The following GRID2 variants were observed in gnomAD, a reference collection of about 807,000 sequenced individuals.
The protein encoded by GRID2 is glutamate receptor ionotropic, delta-2.
Under a neutral mutation model 114.8 loss-of-function variants are expected in GRID2, and 33 were observed. The ratio of observed to expected loss-of-function variants is 0.29; its 90% CI spans 0.22 to 0.38. The LOEUF is 0.38. GRID2 is among the 10% of genes least tolerant of loss of function. The pLI is 1.00. For synonymous variants in GRID2, 505 were observed against 449.9 expected (o/e 1.12, Z -1.55); for missense variants, 1,184 against 1,257.7 (o/e 0.94, Z 0.89).
chr4:92,489,352 G>C (rs576372731), intron 1 of GRID2, among the ~76,000 whole-genome samples: 1 of 152,130 alleles, frequency 6.6e-6, no homozygotes, highest in Non-Finnish European at 1.5e-5. Context: ...TATATAATTA[G>C]ATACATCAAA....
chr4:93,428,148 G>C (rs1769032764), intron 10 of GRID2, among the ~76,000 whole-genome samples: 1 of 151,920 alleles, frequency 6.6e-6, no homozygotes, highest in South Asian at 2.1e-4. Flanking sequence ...AGTATTTAGG[G>C]GTATTAGAAG....
chr4:93,482,360 A>G (rs1725954569), intron 11 of GRID2, among the ~76,000 whole-genome samples: 1 of 152,132 alleles, frequency 6.6e-6, no homozygotes, highest in African/African-American at 2.4e-5. Context: ...GCAGCCTTAG[A>G]AAAGAATGAG....
chr4:93,797,497 T>C (rs1734826782), intron 1 of GRID2, among the ~76,000 whole-genome samples: 1 of 152,156 alleles, frequency 6.6e-6, no homozygotes, highest in Non-Finnish European at 1.5e-5. Flanking sequence ...GGAAGGTGCC[T>C]GCAAATTTAC....
chr4:93,313,445 T>C (rs1402665516), intron 8 of GRID2, among the ~76,000 whole-genome samples: 1 of 152,156 alleles, frequency 6.6e-6, no homozygotes, highest in Non-Finnish European at 1.5e-5. Context: ...TTTCTATACA[T>C]CCACAAGGAT....
At chr4:93,137,920 A>G (rs1735407582) in intron 4 of GRID2, among the ~76,000 whole-genome samples, 1 of 139,476 alleles carries the variant, frequency 7.2e-6, no homozygotes, top group African/African-American at 2.6e-5. Context: ...CATGAAGTTG[A>G]GCTTTTTGAT....
chr4:92,812,703 G>A (rs1158457919), intron 2 of GRID2, among the ~76,000 whole-genome samples: 1 of 152,080 alleles, frequency 6.6e-6, no homozygotes, highest in Non-Finnish European at 1.5e-5. Context: ...GATTTATGCT[G>A]TACAGGTATA....
At chr4:93,517,217 G>A (rs1729818447) in intron 13 of GRID2, among the ~76,000 whole-genome samples, 1 of 145,154 alleles carries the variant, frequency 6.9e-6, no homozygotes, top group Admixed American at 7.0e-5. Context: ...AAGATTACCT[G>A]AGACAATTTA....
At chr4:93,515,473 C>A in intron 13 of GRID2, 62 bp downstream of exon 13, 2 of 1,114,086 alleles carry the variant, frequency 1.8e-6, no homozygotes, top group Non-Finnish European at 1.3e-6. Context: ...TGGAATTGCG[C>A]AGTTGAGATT....
intron 1 of GRID2, among the ~76,000 whole-genome samples, chr4:92,552,158 C>G (rs1726624668): frequency 6.6e-6 from 1 of 151,322 alleles, no homozygotes. Context: ...TGAGGAAAAA[C>G]TAAGTTTCTG....
At chr4:93,626,227 C>A (rs766241157) in intron 13 of GRID2, 42 bp from the exon 14 acceptor site, 15 of 1,173,890 alleles carry the variant, frequency 1.3e-5, no homozygotes, top group African/African-American at 4.6e-5. Flanking sequence ...AAAATTCCAA[C>A]TTTAAACCCT....
intron 8 of GRID2, among the ~76,000 whole-genome samples, chr4:93,290,657 G>A (rs1753636634): frequency 6.6e-6 from 1 of 151,762 alleles, no homozygotes; most frequent in Non-Finnish European, 1.5e-5. Flanking sequence ...GTTTTTATCT[G>A]GTAGTATTTG....
intron 8 of GRID2, among the ~76,000 whole-genome samples, chr4:93,275,698 T>C (rs1561074496): frequency 6.6e-6 from 1 of 151,936 alleles, no homozygotes; most frequent in East Asian, 1.9e-4. Flanking sequence ...ATTATGTTTT[T>C]GATTTGCATA....
rs560828664 is a variant in GRID2, at chr4:93,328,029, C to G, written c.1246-67578C>G. Among the ~76,000 whole-genome samples the G allele has an allele frequency of 8.9e-4, 136 of 151,976 alleles. 1 individual carries two copies. Among genetic ancestry groups the G allele is most frequent in the African/African-American group, 3.2e-3 (133 of 41,478 alleles). Reference sequence around the variant, plus strand: ...TCTACTGTCCTCCTTTAAAACGTGTCCTGGCCGGGCGCAGTGGCTCACACC... The same window carrying G: ...TCTACTGTCCTCCTTTAAAACGTGTGCTGGCCGGGCGCAGTGGCTCACACC... On this transcript the variant is annotated intron_variant, in intron 8 of 15. Coordinates refer to ENST00000282020, the MANE Select transcript of GRID2 (RefSeq NM_001510.4).
intron 1 of GRID2, among the ~76,000 whole-genome samples, chr4:92,409,366 A>G (rs1731186233): frequency 6.6e-6 from 1 of 152,186 alleles, no homozygotes; most frequent in African/African-American, 2.4e-5. Flanking sequence ...GTTCAAAAAA[A>G]TCACACAAGG....
intron 2 of GRID2, among the ~76,000 whole-genome samples, chr4:92,723,794 A>AT (rs1339512480): frequency 6.6e-6 from 1 of 152,184 alleles, no homozygotes; most frequent in Non-Finnish European, 1.5e-5. Flanking sequence ...TTTAGGACTA[A>AT]TCCCTTAAAA....
chr4:93,362,205 G>A (rs1192111414), intron 8 of GRID2, among the ~76,000 whole-genome samples: 1 of 152,080 alleles, frequency 6.6e-6, no homozygotes, highest in Non-Finnish European at 1.5e-5. Flanking sequence ...TTTCCTGTGA[G>A]CCTGTGCCTC....
intron 1 of GRID2, among the ~76,000 whole-genome samples, chr4:92,447,200 A>T (rs1431998747): frequency 6.6e-6 from 1 of 152,254 alleles, no homozygotes; most frequent in Non-Finnish European, 1.5e-5. Flanking sequence ...GTGATAATAC[A>T]TTACCTCAAG....
At chr4:92,487,215 C>G (rs1168269373) in intron 1 of GRID2, among the ~76,000 whole-genome samples, 1 of 151,868 alleles carries the variant, frequency 6.6e-6, no homozygotes, top group Non-Finnish European at 1.5e-5. Flanking sequence ...AAGTTTAATT[C>G]AAGACTAATT....
chr4:93,304,442 A>G (rs1040489275), intron 8 of GRID2, among the ~76,000 whole-genome samples: 16 of 151,946 alleles, frequency 1.1e-4, no homozygotes, highest in South Asian at 2.1e-4. Context: ...TTCCCCCCTT[A>G]GGAAAAGTAT....
Sources: gnomAD v4.1 joint callset for allele counts (sites outside exome capture counted in the v4.1 genomes callset) on GRCh38, gnomAD v4.1.1 for gene constraint, MANE v1.5 for transcripts, NCBI Gene and HGNC (gene_info 2026-07-23, HGNC 2026-07-21) for gene names.